Variants in PDZD2 observed in about 807,000 individuals in gnomAD.
The protein encoded by PDZD2 is PDZ domain-containing protein 2.
Under a neutral mutation model 220.7 loss-of-function variants are expected in PDZD2, and 90 were observed. The observed-to-expected ratio is 0.41, with a 90% confidence interval of 0.34 to 0.49. The LOEUF (loss-of-function observed/expected upper bound fraction) is 0.49, where lower values mean the gene tolerates loss of function less well. Among genes scored for constraint, PDZD2 ranks in the 20% least tolerant of loss-of-function variants. PDZD2 has a pLI of 0.28. For missense variants in PDZD2, 3,174 were observed against 3,608.5 expected (o/e 0.88, Z 3.08); for synonymous variants, 1,375 against 1,450.5 (o/e 0.95, Z 1.18).
intron 14 of PDZD2, among the ~76,000 whole-genome samples, chr5:32,062,019 A>T (rs1029297365): frequency 2.6e-5 from 4 of 152,176 alleles, no homozygotes; most frequent in African/African-American, 9.7e-5. Context: ...CAATCAATCC[A>T]CTTCGGGCTG....
intron 2 of PDZD2, among the ~76,000 whole-genome samples, chr5:31,815,378 T>C (rs916730922): frequency 6.6e-6 from 1 of 151,832 alleles, no homozygotes; most frequent in Non-Finnish European, 1.5e-5. Context: ...CTGTATAGAA[T>C]GTAGATTTTC....
At chr5:31,912,905 C>T (rs1743332737) in intron 2 of PDZD2, among the ~76,000 whole-genome samples, 1 of 152,074 alleles carries the variant, frequency 6.6e-6, no homozygotes, top group Non-Finnish European at 1.5e-5. Context: ...ATGCTGAGTG[C>T]AAGGATAACA....
intron 2 of PDZD2, among the ~76,000 whole-genome samples, chr5:31,929,266 C>T (rs1745047732): frequency 6.6e-6 from 1 of 152,232 alleles, no homozygotes; most frequent in African/African-American, 2.4e-5. Context: ...TTTATGCTTG[C>T]AGCCCATAGA....
At chr5:31,699,880 C>T (rs1580585193) in intron 1 of PDZD2, among the ~76,000 whole-genome samples, 1 of 151,834 alleles carries the variant, frequency 6.6e-6, no homozygotes, top group Non-Finnish European at 1.5e-5. Flanking sequence ...CATGAGCCAC[C>T]GCACTTGGCC....
intron 2 of PDZD2, among the ~76,000 whole-genome samples, chr5:31,941,157 A>G (rs1454631550): frequency 6.6e-6 from 1 of 152,210 alleles, no homozygotes; most frequent in African/African-American, 2.4e-5. Flanking sequence ...TGCCTTTTGC[A>G]CCAACATTTC....
intron 14 of PDZD2, among the ~76,000 whole-genome samples, chr5:32,064,045 G>A (rs573630959): frequency 6.6e-6 from 1 of 152,232 alleles, no homozygotes; most frequent in Non-Finnish European, 1.5e-5. Context: ...GGACCCATAC[G>A]GAAGTTGCAG....
intron 7 of PDZD2, among the ~76,000 whole-genome samples, chr5:32,043,297 C>T (rs1737598028): frequency 6.6e-6 from 1 of 152,216 alleles, no homozygotes; most frequent in Non-Finnish European, 1.5e-5. Context: ...CTCCTGTGTC[C>T]TTCCCAGACA....
At chr5:32,103,008 AAGAT>A (rs1196951453) in intron 24 of PDZD2, among the ~76,000 whole-genome samples, 3 of 152,228 alleles carry the variant, frequency 2.0e-5, no homozygotes, top group African/African-American at 7.2e-5. Flanking sequence ...AATCCATGTG[AAGAT>A]AGATAGAATT....
intron 20 of PDZD2, 24 bp downstream of exon 20, chr5:32,091,199 A>G: frequency 2.0e-6 from 3 of 1,470,316 alleles, no homozygotes; most frequent in Non-Finnish European, 2.7e-6. Context: ...CACTACTTTT[A>G]TTTCAGATAA....
chr5:31,686,131 G>A (rs1746848646), intron 1 of PDZD2, among the ~76,000 whole-genome samples: 1 of 151,754 alleles, frequency 6.6e-6, no homozygotes, highest in Admixed American at 6.6e-5. Context: ...GGCTGAGGCA[G>A]GAGAATCACT....
intron 2 of PDZD2, among the ~76,000 whole-genome samples, chr5:31,931,302 C>T (rs1201503301): frequency 1.3e-5 from 2 of 152,256 alleles, no homozygotes; most frequent in South Asian, 2.1e-4. Flanking sequence ...GGATGACAGG[C>T]GTACACCACT....
At chr5:31,692,754 G>C (rs1048575977) in intron 1 of PDZD2, 1 of 152,580 alleles carries the variant, frequency 6.6e-6, no homozygotes, top group African/African-American at 2.4e-5. Context: ...GTACATGCAG[G>C]GCAGGCCAGG....
chr5:31,878,555 C>CTTTTTTTTTTTTCTTTTTTTTTTTT (rs1554087827), intron 2 of PDZD2, among the ~76,000 whole-genome samples: 1 of 48,198 alleles, frequency 2.1e-5, no homozygotes, highest in Non-Finnish European at 3.7e-5. Flanking sequence ...ATGACCTCGG[C>CTTTTTTTTTTTTCTTTTTTTTTTTT]TTTTTTTTTT....
At chr5:31,925,829 CAT>C (rs1027398801) in intron 2 of PDZD2, among the ~76,000 whole-genome samples, 5 of 151,086 alleles carry the variant, frequency 3.3e-5, no homozygotes, top group African/African-American at 1.2e-4. Context: ...TCAGGGAAGA[CAT>C]ACAAGTGGCC....
At chr5:31,792,873 G>C (rs1267036421) in intron 1 of PDZD2, among the ~76,000 whole-genome samples, 1 of 149,196 alleles carries the variant, frequency 6.7e-6, no homozygotes, top group African/African-American at 2.5e-5. Context: ...CTCTCATTCT[G>C]TCTTGCCCAG....
intron 1 of PDZD2, among the ~76,000 whole-genome samples, chr5:31,749,353 A>G (rs1207523963): frequency 6.6e-6 from 1 of 152,070 alleles, no homozygotes; most frequent in African/African-American, 2.4e-5. Flanking sequence ...TTAGCATGGC[A>G]GTAAATCTGG....
At position 31,777,144 on chromosome 5, in the gene PDZD2, G is replaced by A. The variant is rs570565962; in HGVS notation, c.-360-21745G>A. Among the ~76,000 whole-genome samples, 203 of 152,280 alleles carry A rather than the reference G, an allele frequency of 1.3e-3. 7 individuals are homozygous for A. In the South Asian group the frequency reaches 0.035, roughly 26 times the overall value. ...GAACCGGGGCTGTGCACTGGCGCTCGCGGGGCAGCGTGAGTTCCGGGTGGG... is the reference window on the plus strand; with the variant it reads ...GAACCGGGGCTGTGCACTGGCGCTCACGGGGCAGCGTGAGTTCCGGGTGGG... On this transcript the variant is annotated intron_variant, in intron 1 of 24. Transcript: ENST00000438447.
At chr5:31,874,693 A>G (rs1228277746) in intron 2 of PDZD2, among the ~76,000 whole-genome samples, 1 of 150,198 alleles carries the variant, frequency 6.7e-6, no homozygotes, top group Non-Finnish European at 1.5e-5. Context: ...CCAAGAAGGC[A>G]GAGGTTGCAG....
intron 2 of PDZD2, among the ~76,000 whole-genome samples, chr5:31,892,360 A>G (rs1741122801): frequency 6.6e-6 from 1 of 152,266 alleles, no homozygotes; most frequent in Non-Finnish European, 1.5e-5. Context: ...AACCAAGAGC[A>G]AGATGTATTT....
Sources: gnomAD v4.1 joint callset for allele counts (sites outside exome capture counted in the v4.1 genomes callset) on GRCh38, gnomAD v4.1.1 for gene constraint, MANE v1.5 for transcripts, NCBI Gene and HGNC (gene_info 2026-07-23, HGNC 2026-07-21) for gene names.